The following PLCL1 variants were observed in gnomAD, a reference collection of about 807,000 sequenced individuals.
The protein encoded by PLCL1 is inactive phospholipase C-like protein 1.
Under a neutral mutation model 84.4 loss-of-function variants are expected in PLCL1, and 41 were observed. The observed-to-expected ratio is 0.49, with a 90% CI of 0.38 to 0.63. PLCL1 has a LOEUF of 0.63. PLCL1 is among the 30% of genes least tolerant of loss of function. The pLI is 0.00. For synonymous variants in PLCL1, 490 were observed against 488.3 expected (o/e 1.00, Z -0.05); for missense variants, 1,206 against 1,367.8 (o/e 0.88, Z 1.87).
At chr2:197,938,798 T>TAATGCATG (rs1296943833) in intron 1 of PLCL1, among the ~76,000 whole-genome samples, 3 of 152,190 alleles carry the variant, frequency 2.0e-5, no homozygotes, top group African/African-American at 7.2e-5. Context: ...GAAAGAAAGA[T>TAATGCATG]AATGCATAGC....
chr2:197,816,151 A>C (rs1443058216), intron 1 of PLCL1, among the ~76,000 whole-genome samples: 16 of 152,248 alleles, frequency 1.1e-4, no homozygotes, highest in Non-Finnish European at 1.9e-4. Context: ...TTATTTTAAG[A>C]AATTGCCACA....
At chr2:198,081,842 G>T (rs1362792128) in intron 1 of PLCL1, among the ~76,000 whole-genome samples, 1 of 152,120 alleles carries the variant, frequency 6.6e-6, no homozygotes, top group African/African-American at 2.4e-5. Flanking sequence ...CAGAACTGAT[G>T]AAATGAGGCC....
chr2:197,948,438 A>T (rs548139767), intron 1 of PLCL1, among the ~76,000 whole-genome samples: 18 of 152,096 alleles, frequency 1.2e-4, no homozygotes, highest in Admixed American at 2.6e-4. Flanking sequence ...GCTAGCTGGG[A>T]TAGGATTATT....
intron 1 of PLCL1, among the ~76,000 whole-genome samples, chr2:197,900,846 A>G (rs1688249238): frequency 6.6e-6 from 1 of 152,218 alleles, no homozygotes; most frequent in Non-Finnish European, 1.5e-5. Context: ...TGGAAGATGC[A>G]AGAGTAAGTT....
chr2:197,921,793 A>G (rs909444226), intron 1 of PLCL1, among the ~76,000 whole-genome samples: 1 of 152,116 alleles, frequency 6.6e-6, no homozygotes, highest in African/African-American at 2.4e-5. Flanking sequence ...TCCAGTTCAC[A>G]CTGTTATTTC....
intron 1 of PLCL1, among the ~76,000 whole-genome samples, chr2:197,961,197 G>A (rs947919970): frequency 2.0e-5 from 3 of 150,148 alleles, no homozygotes; most frequent in Non-Finnish European, 4.4e-5. Context: ...TTGATACTTG[G>A]ATTCCTGTGG....
At chr2:197,851,515 G>T (rs531495084) in intron 1 of PLCL1, among the ~76,000 whole-genome samples, 7 of 152,228 alleles carry the variant, frequency 4.6e-5, no homozygotes, top group Admixed American at 4.6e-4. Context: ...TGAAGCTATT[G>T]GTGTTTATGG....
intron 1 of PLCL1, among the ~76,000 whole-genome samples, chr2:197,848,715 A>C (rs941048597): frequency 1.3e-5 from 2 of 152,232 alleles, no homozygotes; most frequent in Admixed American, 1.3e-4. Context: ...GACAAGGTCA[A>C]AATATTTCTG....
intron 1 of PLCL1, among the ~76,000 whole-genome samples, chr2:198,070,502 C>T (rs1169933196): frequency 6.6e-6 from 1 of 152,004 alleles, no homozygotes; most frequent in Non-Finnish European, 1.5e-5. Flanking sequence ...ACATTCTTTT[C>T]ACCACAGCTA....
At chr2:197,883,730 C>A (rs1456229283) in intron 1 of PLCL1, among the ~76,000 whole-genome samples, 1 of 152,086 alleles carries the variant, frequency 6.6e-6, no homozygotes, top group East Asian at 1.9e-4. Context: ...AATGTATTGC[C>A]TTTAGAAAAG....
At chr2:197,970,954 C>T (rs772903555) in intron 1 of PLCL1, among the ~76,000 whole-genome samples, 17 of 152,318 alleles carry the variant, frequency 1.1e-4, no homozygotes, top group Admixed American at 2.0e-4. Context: ...CTTTTTCAAT[C>T]ATCAGATAAT....
intron 1 of PLCL1, among the ~76,000 whole-genome samples, chr2:197,891,014 G>A (rs904013713): frequency 1.3e-5 from 2 of 151,350 alleles, no homozygotes; most frequent in Admixed American, 6.6e-5. Flanking sequence ...AGATTCCAAA[G>A]GATAGAGTTT....
At chr2:197,815,251 G>A (rs1165720014) in intron 1 of PLCL1, among the ~76,000 whole-genome samples, 3 of 152,052 alleles carry the variant, frequency 2.0e-5, no homozygotes, top group African/African-American at 7.2e-5. Context: ...AAAATCCTAG[G>A]GTCTTTATGA....
chr2:198,066,497 C>T (rs560464656), intron 1 of PLCL1, among the ~76,000 whole-genome samples: 1 of 152,310 alleles, frequency 6.6e-6, no homozygotes, highest in East Asian at 1.9e-4. Context: ...CTTGTTCTCA[C>T]CTTAGTTCAG....
chr2:197,857,168 T>A (rs533261753), intron 1 of PLCL1, among the ~76,000 whole-genome samples: 127 of 151,732 alleles, frequency 8.4e-4, no homozygotes, highest in African/African-American at 3.0e-3. Context: ...AAAAAGAGAA[T>A]GAACTTTTTT....
intron 5 of PLCL1, among the ~76,000 whole-genome samples, chr2:198,128,299 C>G (rs1025791872): frequency 1.2e-4 from 18 of 152,144 alleles, no homozygotes; most frequent in African/African-American, 4.3e-4. Flanking sequence ...CTAGAAAGAG[C>G]TGATTCATCT....
intron 5 of PLCL1, among the ~76,000 whole-genome samples, chr2:198,145,985 C>G (rs73063060): frequency 0.024 from 3,727 of 152,194 alleles, 157 homozygotes; most frequent in African/African-American, 0.086. Context: ...TCCCTGCTTC[C>G]CCACACTCAG....
chr2:197,901,157 A>G (rs1377616979), intron 1 of PLCL1, among the ~76,000 whole-genome samples: 1 of 152,238 alleles, frequency 6.6e-6, no homozygotes, highest in African/African-American at 2.4e-5. Flanking sequence ...AGACAATAGA[A>G]GTGAAGCTTT....
At chr2:198,120,678 C>T (rs191649247) in intron 5 of PLCL1, among the ~76,000 whole-genome samples, 1 of 151,966 alleles carries the variant, frequency 6.6e-6, no homozygotes, top group East Asian at 1.9e-4. Context: ...CTGAATAGTA[C>T]TCCATATGTA....
Sources: allele counts gnomAD v4.1 joint callset (sites outside exome capture counted in the v4.1 genomes callset), GRCh38; gene constraint gnomAD v4.1.1; transcripts MANE v1.5; gene names NCBI Gene and HGNC (gene_info 2026-07-23, HGNC 2026-07-21).